EDEM3: variants seen among roughly 807,000 people sequenced by gnomAD.
EDEM3 encodes ER degradation-enhancing alpha-mannosidase-like protein 3.
In EDEM3, 60 loss-of-function variants were observed where a neutral mutation model predicts 110.2. The ratio of observed to expected loss-of-function variants is 0.54; its 90% CI spans 0.44 to 0.67. EDEM3 has a LOEUF of 0.67. Ranked by LOEUF, EDEM3 falls within the 30% of genes least tolerant of loss-of-function variation. EDEM3 has a pLI of 0.00. For missense variants in EDEM3, 996 were observed against 1,121.0 expected (o/e 0.89, Z 1.59); for synonymous variants, 352 against 382.9 (o/e 0.92, Z 0.94).
At chr1:184,702,412 T>C (rs987157585) in intron 19 of EDEM3, among the ~76,000 whole-genome samples, 5 of 152,176 alleles carry the variant, frequency 3.3e-5, no homozygotes, top group South Asian at 2.1e-4. Context: ...ACTACTATGA[T>C]ATTGTATACA....
At chr1:184,698,496 T>C (rs1485196723) in intron 19 of EDEM3, among the ~76,000 whole-genome samples, 3 of 151,860 alleles carry the variant, frequency 2.0e-5, no homozygotes, top group South Asian at 2.1e-4. Flanking sequence ...GTCTTTAATA[T>C]AGCTTTAACT....
At chr1:184,750,702 A>T (rs1416948449) in intron 1 of EDEM3, among the ~76,000 whole-genome samples, 3 of 151,864 alleles carry the variant, frequency 2.0e-5, no homozygotes, top group Non-Finnish European at 4.4e-5. Flanking sequence ...CAGTAGAGAC[A>T]GGGTTTTACC....
At chr1:184,727,537 T>C (rs1331023248) in intron 6 of EDEM3, among the ~76,000 whole-genome samples, 1 of 152,166 alleles carries the variant, frequency 6.6e-6, no homozygotes, top group Non-Finnish European at 1.5e-5. Flanking sequence ...TCTGCAGATA[T>C]CAATTGCTAG....
In EDEM3 at chr1:184,749,608, C is replaced by T. The variant is rs1245414432; in HGVS notation, c.159-16G>A. ...TACTTGATTCCTAATTTTAAAAGAGCAGAAATGGAAAAAAAAAAAAAAAAA... is the reference window on the plus strand; with the variant it reads ...TACTTGATTCCTAATTTTAAAAGAGTAGAAATGGAAAAAAAAAAAAAAAAA... On this transcript the variant is annotated splice_polypyrimidine_tract_variant and intron_variant, in intron 1 of 19. Coordinates refer to ENST00000318130, the MANE Select transcript of EDEM3 (RefSeq NM_025191.4). 5 of 1,295,100 alleles carry T rather than the reference C, an allele frequency of 3.9e-6. No individual in the cohort carries two copies. Among genetic ancestry groups the T allele is most frequent in the Non-Finnish European group, 4.1e-6 (4 of 986,718 alleles). The allele number at this position is 1,295,100 out of a possible 1,614,324, so 80.2% of individuals were successfully genotyped here.
At chr1:184,694,887 T>C (rs1453223916) in intron 19 of EDEM3, among the ~76,000 whole-genome samples, 1 of 152,080 alleles carries the variant, frequency 6.6e-6, no homozygotes, top group Non-Finnish European at 1.5e-5. Flanking sequence ...GCATATATCA[T>C]TGCTATATTT....
At position 184,726,389 on chromosome 1, in the gene EDEM3, T is replaced by A; in HGVS notation, c.613A>T (p.Ile205Phe). 1 of 1,612,754 alleles carries A rather than the reference T, an allele frequency of 6.2e-7. No individual in the cohort carries two copies. The highest frequency in any genetic ancestry group is 8.5e-7 in the Non-Finnish European group (1 of 1,179,284). ...TTTCTGATGCCAAACTTTAAATTAA[T>A]CTGAATACAATTAGAAAATTGTCAT... Reference protein sequence around the residue: ...NTTSGLPYPRINLKFGIRKPE... With the variant: ...NTTSGLPYPRFNLKFGIRKPE... The change falls in exon 7 of 20, where the codon ATT (isoleucine) becomes TTT (phenylalanine). Residue 205 changes from isoleucine to phenylalanine, a missense_variant and splice_region_variant. Physicochemically the swap from Ile to Phe is conservative, Grantham distance 21. Around this residue, in one of 5 missense-constraint regions of EDEM3, gnomAD observed 310 missense variants for 394.6 expected, o/e 0.79. Coordinates refer to ENST00000318130, the MANE Select transcript of EDEM3 (RefSeq NM_025191.4).
At chr1:184,749,926 A>C (rs1329632322) in intron 1 of EDEM3, among the ~76,000 whole-genome samples, 4 of 152,198 alleles carry the variant, frequency 2.6e-5, no homozygotes, top group Non-Finnish European at 5.9e-5. Context: ...ACCTCTTAAC[A>C]CAATTATTTA....
At chr1:184,732,175 C>CG (rs2102108697) in intron 6 of EDEM3, among the ~76,000 whole-genome samples, 2 of 151,368 alleles carry the variant, frequency 1.3e-5, no homozygotes, top group African/African-American at 4.9e-5. Flanking sequence ...GACTCCATTC[C>CG]CCCCCACCAA....
intron 7 of EDEM3, among the ~76,000 whole-genome samples, chr1:184,725,100 G>A (rs553350724): frequency 2.4e-4 from 36 of 152,284 alleles, no homozygotes; most frequent in African/African-American, 8.4e-4. Flanking sequence ...ACAGACTGCA[G>A]TTTGCCAACC....
rs58913815 is a variant in EDEM3, at chr1:184,704,649, C to CAAAAAAAAAA, written c.2204-1663_2204-1654dup. 7.7e-4 allele frequency among the ~76,000 whole-genome samples: 23 copies of CAAAAAAAAAA among 29,914 alleles called. 2 individuals carry two copies. Among genetic ancestry groups the CAAAAAAAAAA allele is most frequent in the African/African-American group, 1.6e-3 (15 of 9,338 alleles). The allele number at this position is 29,914 out of a possible 152,430, so 19.6% of individuals were successfully genotyped here. On this transcript the variant is annotated intron_variant, in intron 18 of 19. Transcript: ENST00000318130. ...TGGGTGACAAAGCAAGACTCTGTCT[C>CAAAAAAAAAA]AAAAAAAAAAAAAAAAAAAAAAAAA...
chr1:184,701,590 G>A, intron 19 of EDEM3: 1 of 1,196,720 alleles, frequency 8.4e-7, no homozygotes, highest in South Asian at 1.3e-5. Flanking sequence ...AAAAGCAAAT[G>A]CATTAAAGAG....
Position 184,737,097 on chromosome 1 carries a change from TTAGA to T in EDEM3, c.306-37_306-34del, listed in dbSNP as rs780406851. The T allele has an allele frequency of 3.2e-6, 5 of 1,565,546 alleles. No individual in the cohort carries two copies. The Admixed American group carries it at 8.4e-5, about 26-fold the overall frequency. The stretch of plus-strand genomic sequence containing the variant: ...ACAAGCGTTAACAAGATATAAAACA[TTAGA>T]ATCCTAAATAGTTTATGAATGTACA... On this transcript the variant is annotated intron_variant, in intron 3 of 19. Transcript: ENST00000318130.
chr1:184,728,987 A>G (rs1651346775), intron 6 of EDEM3, among the ~76,000 whole-genome samples: 1 of 152,132 alleles, frequency 6.6e-6, no homozygotes, highest in Non-Finnish European at 1.5e-5. Flanking sequence ...AAATCAGGGA[A>G]GAAGGGTTCA....
intron 8 of EDEM3, among the ~76,000 whole-genome samples, chr1:184,722,580 C>T (rs898171763): frequency 5.9e-5 from 9 of 151,892 alleles, no homozygotes; most frequent in Non-Finnish European, 1.2e-4. Context: ...TCTTAGCTTC[C>T]TCAGTATCAC....
Position 184,708,312 on chromosome 1 carries a change from C to T in EDEM3, c.1878G>A (p.Leu626=). The change falls in exon 17 of 20, where the codon TTG becomes TTA. Residue 626 remains leucine (L), a synonymous_variant. Transcript: ENST00000318130. ...ATTCAATCATCTCCTGCATGAACCTCAACCCATCTTCAGCGTCGATTGAAC... is the reference window on the plus strand; with the variant it reads ...ATTCAATCATCTCCTGCATGAACCTTAACCCATCTTCAGCGTCGATTGAAC... ...AASSIDAEDG[L]RFMQEMIELS... is the part of the protein sequence containing the mutation. 1 of 1,612,982 alleles carries T rather than the reference C, an allele frequency of 6.2e-7. No individual in the cohort carries two copies. Among genetic ancestry groups the T allele is most frequent in the Non-Finnish European group, 8.5e-7 (1 of 1,179,692 alleles).
chr1:184,723,657 G>A, intron 8 of EDEM3, 94 bp downstream of exon 8: 2 of 1,007,936 alleles, frequency 2.0e-6, no homozygotes, highest in African/African-American at 1.7e-5. Context: ...ATGCTTTATA[G>A]TATCCCAAAG....
chr1:184,724,513 G>A (rs67337751), intron 7 of EDEM3, among the ~76,000 whole-genome samples: 3,299 of 152,210 alleles, frequency 0.022, 43 homozygotes, highest in African/African-American at 0.041. Context: ...GGCTTTGGAT[G>A]AAAAGATGTT....
intron 6 of EDEM3, among the ~76,000 whole-genome samples, chr1:184,731,717 C>T (rs1286765569): frequency 6.6e-6 from 1 of 152,166 alleles, no homozygotes; most frequent in Non-Finnish European, 1.5e-5. Flanking sequence ...AAGTTCTGGT[C>T]TAGCATCTGT....
intron 19 of EDEM3, among the ~76,000 whole-genome samples, chr1:184,702,399 C>A (rs546393448): frequency 1.3e-5 from 2 of 152,252 alleles, no homozygotes. Context: ...CCTGTTGAGA[C>A]TAACTACTAT....
Sources: gnomAD v4.1 joint callset for allele counts (sites outside exome capture counted in the v4.1 genomes callset) on GRCh38, gnomAD v4.1.1 for gene constraint, gnomAD v4.1.1 regional missense constraint, MANE v1.5 for transcripts, NCBI Gene and HGNC (gene_info 2026-07-23, HGNC 2026-07-21) for gene names.